Variants in LOC400499 observed in about 807,000 individuals in gnomAD.
chr16:11,495,061 T>G, the LOC400499 span, among the ~76,000 whole-genome samples: 1 of 151,818 alleles, frequency 6.6e-6, no homozygotes, highest in Non-Finnish European at 1.5e-5. Context: ...ACACAAAAAT[T>G]AGCCGAGCAT....
chr16:11,509,179 G>A, the LOC400499 span, among the ~76,000 whole-genome samples: 1 of 148,400 alleles, frequency 6.7e-6, no homozygotes, highest in African/African-American at 2.5e-5. Context: ...GTGCAGTGGC[G>A]CGATCTCGGC....
At chr16:11,490,263 G>A in the LOC400499 span, among the ~76,000 whole-genome samples, 3 of 152,026 alleles carry the variant, frequency 2.0e-5, no homozygotes, top group African/African-American at 7.2e-5. Context: ...GGGCATGGTG[G>A]TGTGCAGCTG....
chr16:11,384,945 C>G, the LOC400499 span: 3 of 1,232,034 alleles, frequency 2.4e-6, no homozygotes, highest in Non-Finnish European at 3.0e-6. Flanking sequence ...TCACAGGAGA[C>G]AGACACCCCG....
chr16:11,462,537 C>G, the LOC400499 span: 1 of 613,640 alleles, frequency 1.6e-6, no homozygotes, highest in Non-Finnish European at 2.0e-6. Context: ...TCAAGTGATT[C>G]TCCTGCCTCA....
the LOC400499 span, chr16:11,475,761 T>C: frequency 5.0e-6 from 2 of 398,046 alleles, no homozygotes; most frequent in African/African-American, 4.1e-5. Flanking sequence ...TTTTCATTCA[T>C]TCATTAGACA....
At chr16:11,513,934 C>G in the LOC400499 span, among the ~76,000 whole-genome samples, 1 of 152,112 alleles carries the variant, frequency 6.6e-6, no homozygotes, top group East Asian at 1.9e-4. Flanking sequence ...CAATCCTCCC[C>G]CCAGATATAG....
the LOC400499 span, among the ~76,000 whole-genome samples, chr16:11,478,345 TTATTTAATATCC>T: frequency 4.6e-5 from 7 of 152,130 alleles, no homozygotes; most frequent in African/African-American, 1.7e-4. Flanking sequence ...TTGTTATTTT[TTATTTAATATCC>T]CATTTCACAG....
chr16:11,458,385 A>AT, the LOC400499 span, among the ~76,000 whole-genome samples: 1 of 151,940 alleles, frequency 6.6e-6, no homozygotes, highest in African/African-American at 2.4e-5. Flanking sequence ...GGTGACTGTA[A>AT]TCCCAGCTAC....
At chr16:11,443,657 A>G in the LOC400499 span, among the ~76,000 whole-genome samples, 1 of 152,148 alleles carries the variant, frequency 6.6e-6, no homozygotes, top group Admixed American at 6.6e-5. Flanking sequence ...CTACATTGTA[A>G]TCGTCACAGC....
the LOC400499 span, chr16:11,385,363 A>C: frequency 2.8e-5 from 35 of 1,232,236 alleles, no homozygotes; most frequent in South Asian, 1.2e-3. Context: ...CTGAGGTCCC[A>C]TACCCGGCCG....
the LOC400499 span, among the ~76,000 whole-genome samples, chr16:11,516,669 A>C: frequency 7.9e-5 from 12 of 152,166 alleles, no homozygotes; most frequent in Non-Finnish European, 1.3e-4. Context: ...GCCACTTGGG[A>C]ATATTGCCTT....
At chr16:11,436,278 G>T in the LOC400499 span, among the ~76,000 whole-genome samples, 3 of 152,184 alleles carry the variant, frequency 2.0e-5, no homozygotes, top group African/African-American at 4.8e-5. Context: ...AGAAAAGGAG[G>T]CCCCAGAGAG....
chr16:11,443,358 A>T, the LOC400499 span: 17 of 323,244 alleles, frequency 5.3e-5, no homozygotes, highest in African/African-American at 6.2e-4. Flanking sequence ...AAAAAAAAAA[A>T]TGATCGGAGG....
At chr16:11,384,969 G>C in the LOC400499 span, 2 of 1,232,232 alleles carry the variant, frequency 1.6e-6, no homozygotes, top group Non-Finnish European at 2.0e-6. Flanking sequence ...TCGCTGGCCA[G>C]CTCAATCCTG....
At chr16:11,413,346 C>T in the LOC400499 span, among the ~76,000 whole-genome samples, 1 of 152,134 alleles carries the variant, frequency 6.6e-6, no homozygotes, top group Admixed American at 6.5e-5. Flanking sequence ...CATCCTGGCC[C>T]CCTGACCCCC....
At chr16:11,524,000 C>T in the LOC400499 span, among the ~76,000 whole-genome samples, 3 of 111,500 alleles carry the variant, frequency 2.7e-5, no homozygotes, top group Admixed American at 9.1e-5. Context: ...CCACTCCCCA[C>T]ACCCCTCCTA....
the LOC400499 span, chr16:11,446,820 A>C: frequency 6.5e-7 from 1 of 1,536,156 alleles, no homozygotes; most frequent in Non-Finnish European, 8.7e-7. Context: ...GGACAACCCT[A>C]GTCTCCAGGG....
the LOC400499 span, among the ~76,000 whole-genome samples, chr16:11,448,580 T>C: frequency 6.6e-6 from 1 of 151,712 alleles, no homozygotes; most frequent in Admixed American, 6.6e-5. Context: ...CAGTGATGCA[T>C]GGTGGCATGA....
chr16:11,505,268 T>G, the LOC400499 span, among the ~76,000 whole-genome samples: 1 of 151,524 alleles, frequency 6.6e-6, no homozygotes, highest in Non-Finnish European at 1.5e-5. Context: ...TGGGAAGAAA[T>G]GCACCTTAGC....
Sources: gnomAD v4.1 joint callset for allele counts (sites outside exome capture counted in the v4.1 genomes callset) on GRCh38, gnomAD v4.1.1 for gene constraint, MANE v1.5 for transcripts.